Variants in NLRP14 observed in about 807,000 individuals in gnomAD.
The protein encoded by NLRP14 is NACHT, LRR and PYD domains-containing protein 14.
In NLRP14, 105 loss-of-function variants were observed where a neutral mutation model predicts 94.7. The ratio of observed to expected loss-of-function variants is 1.11; its 90% CI spans 0.95 to 1.30. NLRP14 has a LOEUF of 1.30. Among genes scored for constraint, NLRP14 ranks in the 50% most tolerant of loss-of-function variants. NLRP14 has a pLI of 0.00. For synonymous variants in NLRP14, 508 were observed against 459.9 expected (o/e 1.10, Z -1.34); for missense variants, 1,362 against 1,254.1 (o/e 1.09, Z -1.30).
chr11:7,048,446 T>C (rs1436406987), intron 5 of NLRP14, among the ~76,000 whole-genome samples: 1 of 152,204 alleles, frequency 6.6e-6, no homozygotes, highest in African/African-American at 2.4e-5. Flanking sequence ...TGTTGCTTAG[T>C]ATGAACTGAA....
chr11:7,082,850 G>C, the NLRP14 span, among the ~76,000 whole-genome samples: 1 of 152,188 alleles, frequency 6.6e-6, no homozygotes, highest in East Asian at 1.9e-4. Context: ...TTTACCATTA[G>C]ACATTATAAT....
At chr11:7,034,251 A>G (rs1335318224) in intron 1 of NLRP14, among the ~76,000 whole-genome samples, 2 of 152,192 alleles carry the variant, frequency 1.3e-5, no homozygotes, top group African/African-American at 2.4e-5. Context: ...TTTGCTTTGT[A>G]CTTTGGGCTA....
intron 1 of NLRP14, among the ~76,000 whole-genome samples, chr11:7,022,975 A>G (rs78883351): frequency 0.031 from 4,756 of 152,302 alleles, 139 homozygotes; most frequent in East Asian, 0.13. Flanking sequence ...AGAAAGAAAG[A>G]CAATAGAAAC....
chr11:7,084,149 G>C, the NLRP14 span, among the ~76,000 whole-genome samples: 1 of 152,190 alleles, frequency 6.6e-6, no homozygotes, highest in African/African-American at 2.4e-5. Flanking sequence ...CTTTCTGCTA[G>C]TCATTTGAGA....
chr11:7,054,156 G>A (rs1318995082), intron 6 of NLRP14, among the ~76,000 whole-genome samples: 10 of 152,160 alleles, frequency 6.6e-5, no homozygotes, highest in Non-Finnish European at 1.3e-4. Flanking sequence ...TTTATGGCTG[G>A]ATAGTACTCC....
chr11:7,034,715 T>G (rs1442708846), intron 1 of NLRP14, among the ~76,000 whole-genome samples: 1 of 152,232 alleles, frequency 6.6e-6, no homozygotes, highest in African/African-American at 2.4e-5. Flanking sequence ...GTGTCCAAAC[T>G]GGTAAGTCCC....
the NLRP14 span, among the ~76,000 whole-genome samples, chr11:7,081,562 A>G: frequency 1.3e-5 from 2 of 152,246 alleles, no homozygotes; most frequent in African/African-American, 4.8e-5. Context: ...AAAGTATCCT[A>G]TGAAATATAA....
At chr11:7,050,156 C>T (rs1052245729) in intron 6 of NLRP14, among the ~76,000 whole-genome samples, 2 of 152,166 alleles carry the variant, frequency 1.3e-5, no homozygotes, top group African/African-American at 2.4e-5. Flanking sequence ...GCAATAGATT[C>T]GTTGTATCTT....
At chr11:7,051,439 C>T (rs1391602919) in intron 6 of NLRP14, among the ~76,000 whole-genome samples, 1 of 152,176 alleles carries the variant, frequency 6.6e-6, no homozygotes, top group African/African-American at 2.4e-5. Flanking sequence ...TATACTCTCT[C>T]TGTAGATGTG....
intron 11 of NLRP14, 27 bp downstream of exon 11, chr11:7,070,483 G>A (rs779309084): frequency 1.3e-6 from 2 of 1,564,884 alleles, no homozygotes; most frequent in Admixed American, 3.3e-5. Context: ...TTCTCAGGGG[G>A]AGCATTTCCT....
the NLRP14 span, among the ~76,000 whole-genome samples, chr11:7,087,080 G>A: frequency 0.041 from 6,315 of 152,186 alleles, 368 homozygotes; most frequent in African/African-American, 0.13. Flanking sequence ...ACCATTCTTT[G>A]TTCTAAATAT....
chr11:7,043,707 C>T lies in NLRP14; in HGVS notation c.1681C>T (p.Leu561Phe), dbSNP rs929572892. Residue 561 changes from leucine (L) to phenylalanine (F), a missense_variant, in exon 4 of 12, where the codon CTT (leucine) becomes TTT (phenylalanine). Leu to Phe is a conservative substitution (Grantham distance 22). Coordinates refer to ENST00000299481, the MANE Select transcript of NLRP14 (RefSeq NM_176822.4). ...GTCACTGAAGATAAAATCAAAGTTA[C>T]TTCAGTGTATGGAAGTATTAGGAAA... ...KMSLKIKSKL[L>F]QCMEVLGNSD... The T allele has an allele frequency of 1.3e-5, 21 of 1,613,992 alleles. No homozygotes were observed. Among genetic ancestry groups the T allele is most frequent in the Non-Finnish European group, 1.7e-5 (20 of 1,179,998 alleles).
chr11:7,058,838 T>C (rs1035255488), intron 8 of NLRP14, among the ~76,000 whole-genome samples: 7 of 151,988 alleles, frequency 4.6e-5, no homozygotes, highest in Admixed American at 4.6e-4. Context: ...AATATAGCAC[T>C]CTGTTGTATG....
the NLRP14 span, among the ~76,000 whole-genome samples, chr11:7,085,386 T>C: frequency 2.0e-5 from 3 of 152,230 alleles, no homozygotes; most frequent in Non-Finnish European, 2.9e-5. Context: ...GCAACAGCTG[T>C]TCATTTTCCC....
intron 10 of NLRP14, among the ~76,000 whole-genome samples, chr11:7,064,454 G>A (rs543993052): frequency 6.6e-6 from 1 of 152,018 alleles, no homozygotes; most frequent in Non-Finnish European, 1.5e-5. Flanking sequence ...GGAGAAAAAA[G>A]AGAGAGTGAA....
At chr11:7,047,761 T>G (rs1294832369) in intron 5 of NLRP14, among the ~76,000 whole-genome samples, 1 of 90,466 alleles carries the variant, frequency 1.1e-5, no homozygotes, top group African/African-American at 3.9e-5. Context: ...TCTCTTTCTT[T>G]TCTTTTCTTT....
intron 9 of NLRP14, among the ~76,000 whole-genome samples, chr11:7,060,324 C>T (rs1852597124): frequency 6.6e-6 from 1 of 151,942 alleles, no homozygotes. Flanking sequence ...TTATTCTTTC[C>T]TTGGTTGTGC....
chr11:7,042,289 C>G, intron 3 of NLRP14, 99 bp from the exon 4 acceptor site: 1 of 959,990 alleles, frequency 1.0e-6, no homozygotes, highest in Non-Finnish European at 1.7e-6. Flanking sequence ...TTTCTTGTTC[C>G]TAATTCCAAG....
chr11:7,089,546 C>T, the NLRP14 span: 112 of 1,203,580 alleles, frequency 9.3e-5, 1 homozygote, highest in Middle Eastern at 9.0e-4. Context: ...TGCGGCCCTC[C>T]AGGGCCCCGA....
Sources: gnomAD v4.1 joint callset for allele counts (sites outside exome capture counted in the v4.1 genomes callset) on GRCh38, gnomAD v4.1.1 for gene constraint, MANE v1.5 for transcripts, NCBI Gene and HGNC (gene_info 2026-07-23, HGNC 2026-07-21) for gene names.